The following KDM6A variants were observed in gnomAD, a reference collection of about 807,000 sequenced individuals.
The protein encoded by KDM6A is lysine-specific demethylase 6A.
KDM6A carries 11 observed loss-of-function variants against 117.6 expected under a neutral mutation model. The observed-to-expected ratio is 0.09, with a 90% CI of 0.06 to 0.15. KDM6A has a LOEUF of 0.15. KDM6A is among the 10% of genes least tolerant of loss of function. The pLI, the probability that KDM6A is intolerant of heterozygous loss-of-function variation, is 1.00. For synonymous variants in KDM6A, 384 were observed against 396.1 expected, an observed-to-expected ratio of 0.97 and a Z score of 0.36; for missense variants, 799 against 1,077.3, an observed-to-expected ratio of 0.74 and a Z score of 3.62.
intron 6 of KDM6A, among the ~76,000 whole-genome samples, chrX:45,028,019 C>T (rs777526434): frequency 9.0e-6 from 1 of 110,732 alleles, no homozygotes; most frequent in African/African-American, 3.3e-5. Flanking sequence ...TCTCAAACTC[C>T]TGATCTTAGG....
At chrX:44,966,586 G>C (rs1467415590) in intron 3 of KDM6A, among the ~76,000 whole-genome samples, 2 of 111,203 alleles carry the variant, frequency 1.8e-5, no homozygotes, top group Non-Finnish European at 3.8e-5. Context: ...GGTGAGAGAA[G>C]AGAAGGATAA....
chrX:45,072,164 T>C (rs2044879141), intron 18 of KDM6A, among the ~76,000 whole-genome samples: 1 of 112,503 alleles, frequency 8.9e-6, no homozygotes, highest in Non-Finnish European at 1.9e-5. Flanking sequence ...GTTGTTATTC[T>C]GACATAGACT....
In KDM6A at chrX:44,906,065, C is replaced by T. The variant is rs188011694; in HGVS notation, c.225+32078C>T. On this transcript the variant is annotated intron_variant, in intron 2 of 29. Transcript: ENST00000611820. ...CAGTGATAGATTTTTACTCAAAAAT[C>T]TTCTCAAAGAAAAGTAAAATTTGAT... Among the ~76,000 whole-genome samples the T allele has an allele frequency of 5.3e-3, 597 of 111,945 alleles. 2 individuals carry two copies. The highest frequency in any genetic ancestry group is 0.018 in the African/African-American group (559 of 30,874).
intron 2 of KDM6A, among the ~76,000 whole-genome samples, chrX:44,904,965 A>G (rs1426059243): frequency 8.9e-6 from 1 of 112,126 alleles, no homozygotes; most frequent in Non-Finnish European, 1.9e-5. Flanking sequence ...TCGTTTTCTC[A>G]TGGGAGAGGA....
chrX:44,993,308 T>G (rs1429570774), intron 4 of KDM6A, among the ~76,000 whole-genome samples: 1 of 111,950 alleles, frequency 8.9e-6, no homozygotes, highest in Admixed American at 9.5e-5. Flanking sequence ...AAATTTTCCT[T>G]TATGTGTGAA....
At position 45,090,712 on chromosome X, in the gene KDM6A, T is replaced by C. The variant is rs758178133; in HGVS notation, c.3893-11T>C. 3.3e-6 allele frequency: 4 copies of C among 1,209,713 alleles called. No individual in the cohort carries two copies. The highest frequency in any genetic ancestry group is 4.5e-6 in the Non-Finnish European group (4 of 894,468). On this transcript the variant is annotated splice_polypyrimidine_tract_variant and intron_variant, in intron 26 of 29. Transcript: ENST00000611820. Reference sequence around the variant, plus strand: ...TTTGGGTTGCTTTATAACTGTTTTTTTTTTTCCTAGCCTGCCAGTATAAAT... The same window carrying C: ...TTTGGGTTGCTTTATAACTGTTTTTCTTTTTCCTAGCCTGCCAGTATAAAT...
chrX:44,991,495 T>C (rs1392458367), intron 4 of KDM6A, among the ~76,000 whole-genome samples: 1 of 111,466 alleles, frequency 9.0e-6, no homozygotes, highest in Non-Finnish European at 1.9e-5. Flanking sequence ...TCCACTCTCA[T>C]CCCTTTTGTG....
intron 2 of KDM6A, among the ~76,000 whole-genome samples, chrX:44,920,477 C>A (rs761761072): frequency 2.8e-5 from 3 of 107,796 alleles, no homozygotes; most frequent in East Asian, 5.8e-4. Context: ...CTCGCTCTGT[C>A]GCCCAGGCTG....
intron 2 of KDM6A, among the ~76,000 whole-genome samples, chrX:44,945,720 G>A (rs1385004941): frequency 8.9e-6 from 1 of 111,979 alleles, no homozygotes; most frequent in Non-Finnish European, 1.9e-5. Flanking sequence ...ATTATGAGTA[G>A]TTATGACAGT....
chrX:45,041,971 T>C (rs1225165116), intron 8 of KDM6A, among the ~76,000 whole-genome samples: 17 of 109,885 alleles, frequency 1.5e-4, no homozygotes, highest in Non-Finnish European at 5.8e-5. Context: ...CATTGAGCAC[T>C]GAGTGAACGA....
intron 8 of KDM6A, among the ~76,000 whole-genome samples, chrX:45,041,347 AG>A (rs1303030686): frequency 1.6e-4 from 14 of 88,091 alleles, no homozygotes; most frequent in African/African-American, 6.3e-4. Context: ...GGCCGGGCAG[AG>A]GGGCTCCTCA....
At chrX:44,954,114 AT>A (rs1020269766) in intron 2 of KDM6A, among the ~76,000 whole-genome samples, 1 of 109,670 alleles carries the variant, frequency 9.1e-6, no homozygotes, top group African/African-American at 3.3e-5. Flanking sequence ...CTCTTTCCTC[AT>A]TAAAAAAAAA....
In KDM6A at chrX:45,051,773, A is replaced by G. The variant is rs151193716; in HGVS notation, c.719A>G (p.Gln240Arg). The G allele has an allele frequency of 2.6e-5, 30 of 1,172,664 alleles. No homozygotes were observed. The highest frequency in any genetic ancestry group is 3.5e-5 in the Non-Finnish European group (30 of 862,818). The change falls in exon 9 of 30, where the codon CAA becomes CGA. Residue 240 changes from glutamine (Q) to arginine (R), a missense_variant. By Grantham distance (43) the Gln-to-Arg change is conservative. This residue lies in a region of KDM6A where 63 missense variants were observed against 68.2 expected (regional missense o/e 0.92). Transcript: ENST00000611820. Reference sequence around the variant, plus strand: ...TTGCAGACAGAGAATCTTTCTGCACAAGTAAAAGCAACTGTCTTACAACAG... The same window carrying G: ...TTGCAGACAGAGAATCTTTCTGCACGAGTAAAAGCAACTGTCTTACAACAG... ...QLLQTENLSAQVKATVLQQLG... is the reference protein window; with the variant it reads ...QLLQTENLSARVKATVLQQLG...
At chrX:45,078,322 T>C in intron 19 of KDM6A, 78 bp from the exon 20 acceptor site, 2 of 945,098 alleles carry the variant, frequency 2.1e-6, no homozygotes, top group East Asian at 6.6e-5. Flanking sequence ...TGAAAAATAA[T>C]GAATATTAAT....
chrX:45,079,018 A>G, intron 20 of KDM6A, 128 bp from the exon 21 acceptor site: 4 of 560,442 alleles, frequency 7.1e-6, no homozygotes, highest in Non-Finnish European at 8.6e-6. Flanking sequence ...CAGAGGCCCT[A>G]GTTTTTTATG....
intron 21 of KDM6A, among the ~76,000 whole-genome samples, chrX:45,081,605 C>G (rs762274252): frequency 2.7e-5 from 3 of 110,809 alleles, no homozygotes; most frequent in Non-Finnish European, 5.7e-5. Flanking sequence ...CCTCTGCTAG[C>G]TTATATCATT....
At chrX:44,974,474 T>C (rs2039522663) in intron 3 of KDM6A, among the ~76,000 whole-genome samples, 192 bp from the exon 4 acceptor site, 1 of 110,952 alleles carries the variant, frequency 9.0e-6, no homozygotes, top group African/African-American at 3.3e-5. Context: ...GCTGTTCAAG[T>C]GCAGATCTGA....
intron 8 of KDM6A, among the ~76,000 whole-genome samples, chrX:45,044,958 A>G (rs1018717422): frequency 2.2e-4 from 25 of 111,814 alleles, no homozygotes; most frequent in African/African-American, 8.1e-4. Flanking sequence ...ATACTTATCT[A>G]TATTAGACAT....
At chrX:44,946,812 C>A (rs1446899692) in intron 2 of KDM6A, among the ~76,000 whole-genome samples, 2 of 110,828 alleles carry the variant, frequency 1.8e-5, no homozygotes, top group Non-Finnish European at 3.8e-5. Flanking sequence ...TTGCCAGTTG[C>A]GTTACCAGGT....
Sources: allele counts gnomAD v4.1 joint callset (sites outside exome capture counted in the v4.1 genomes callset), GRCh38; gene constraint gnomAD v4.1.1; regional missense constraint gnomAD v4.1.1; transcripts MANE v1.5; gene names NCBI Gene and HGNC (gene_info 2026-07-23, HGNC 2026-07-21).